TIAM1: variants seen among roughly 807,000 people sequenced by gnomAD.
TIAM1 encodes the protein TIAM Rac1 associated GEF 1.
A neutral mutation model predicts 163.5 loss-of-function variants in TIAM1; 65 were observed. That is an observed-to-expected ratio of 0.40 (90% CI 0.33 to 0.49). The LOEUF (loss-of-function observed/expected upper bound fraction) is 0.49, where lower values mean the gene tolerates loss of function less well. Ranked by LOEUF, TIAM1 falls within the 20% of genes least tolerant of loss-of-function variation. TIAM1 has a pLI of 0.77. For missense variants in TIAM1, 1,789 were observed against 2,044.7 expected (o/e 0.87, Z 2.41); for synonymous variants, 833 against 810.1 (o/e 1.03, Z -0.48).
At chr21:31,228,244 A>AGGATTTTTCCTTT (rs1569068929) in intron 6 of TIAM1, among the ~76,000 whole-genome samples, 1 of 51,902 alleles carries the variant, frequency 1.9e-5, no homozygotes, top group East Asian at 1.0e-3. Context: ...AAAAAAAAAA[A>AGGATTTTTCCTTT]AAAAAAAAAA....
rs181686840 is a variant in TIAM1, at chr21:31,145,574, T to C, written c.3475+1321A>G. Among the ~76,000 whole-genome samples, 634 of 152,304 alleles carry C rather than the reference T, an allele frequency of 4.2e-3. 3 individuals are homozygous for C. Among genetic ancestry groups the C allele is most frequent in the Non-Finnish European group, 7.2e-3 (493 of 68,024 alleles). ...GGCGACATAACCACTTTCTGGAGAC[T>C]CTCAGAATGTTCCACCGTCTTCTCA... On this transcript the variant is annotated intron_variant, in intron 20 of 27. Coordinates refer to ENST00000541036, the MANE Select transcript of TIAM1 (RefSeq NM_001353694.2).
chr21:31,162,080 G>C (rs1332477986), intron 16 of TIAM1, among the ~76,000 whole-genome samples: 2 of 152,108 alleles, frequency 1.3e-5, no homozygotes, highest in Admixed American at 6.5e-5. Flanking sequence ...TAACAATCTG[G>C]ACACAAGGTA....
intron 2 of TIAM1, among the ~76,000 whole-genome samples, chr21:31,372,683 A>C (rs1171983319): frequency 1.3e-5 from 2 of 152,228 alleles, no homozygotes; most frequent in Admixed American, 6.5e-5. Flanking sequence ...TAAAAGATAC[A>C]AAACTGGCTG....
intron 1 of TIAM1, among the ~76,000 whole-genome samples, chr21:31,496,173 G>A (rs1304902284): frequency 1.3e-5 from 2 of 151,808 alleles, no homozygotes; most frequent in East Asian, 1.9e-4. Flanking sequence ...GTAGAAAAAA[G>A]TGTACAGAAA....
At chr21:31,425,930 G>A (rs185376772) in intron 2 of TIAM1, among the ~76,000 whole-genome samples, 42 of 152,064 alleles carry the variant, frequency 2.8e-4, no homozygotes, top group Admixed American at 2.2e-3. Flanking sequence ...ATGAGGTCTC[G>A]TCATGTTGGC....
intron 15 of TIAM1, 110 bp from the exon 16 acceptor site, chr21:31,165,175 G>A (rs1180364976): frequency 1.6e-5 from 14 of 866,520 alleles, no homozygotes. Context: ...TACATATACT[G>A]TAAGACCCTC....
At chr21:31,375,919 C>T (rs1473871214) in intron 2 of TIAM1, among the ~76,000 whole-genome samples, 1 of 151,324 alleles carries the variant, frequency 6.6e-6, no homozygotes, top group Admixed American at 6.6e-5. Flanking sequence ...CCCAGCTACT[C>T]GGGAGGCTGA....
At chr21:31,376,635 G>C (rs1051269126) in intron 2 of TIAM1, among the ~76,000 whole-genome samples, 1 of 152,066 alleles carries the variant, frequency 6.6e-6, no homozygotes, top group African/African-American at 2.4e-5. Context: ...GGGTGATGGA[G>C]GGATGGCTAA....
intron 2 of TIAM1, among the ~76,000 whole-genome samples, chr21:31,396,805 G>C (rs577218541): frequency 4.5e-4 from 69 of 151,730 alleles, no homozygotes; most frequent in Non-Finnish European, 8.1e-4. Flanking sequence ...ACAAAAATTA[G>C]CCGGGCCTGG....
At chr21:31,555,385 T>C (rs1228820932) in intron 1 of TIAM1, among the ~76,000 whole-genome samples, 3 of 152,098 alleles carry the variant, frequency 2.0e-5, no homozygotes, top group Non-Finnish European at 2.9e-5. Flanking sequence ...TTGCTTAATT[T>C]AGAAAGAAAA....
intron 1 of TIAM1, among the ~76,000 whole-genome samples, chr21:31,522,123 G>A (rs879803783): frequency 1.1e-3 from 164 of 151,746 alleles, no homozygotes; most frequent in Non-Finnish European, 1.9e-3. Flanking sequence ...CGCCCGCCTC[G>A]GCCTCCCAAA....
At chr21:31,456,960 T>C (rs1257693651) in intron 2 of TIAM1, among the ~76,000 whole-genome samples, 1 of 152,188 alleles carries the variant, frequency 6.6e-6, no homozygotes, top group Non-Finnish European at 1.5e-5. Flanking sequence ...TTGCACTTGG[T>C]TGATTTGATT....
chr21:31,277,868 G>A (rs1025566381), intron 2 of TIAM1, among the ~76,000 whole-genome samples: 3 of 152,118 alleles, frequency 2.0e-5, no homozygotes, highest in African/African-American at 7.2e-5. Context: ...CAAATCAAAT[G>A]ATGCAACATT....
chr21:31,216,720 C>A (rs1487530586), intron 9 of TIAM1, among the ~76,000 whole-genome samples: 1 of 152,124 alleles, frequency 6.6e-6, no homozygotes, highest in Non-Finnish European at 1.5e-5. Context: ...CACGACATAC[C>A]GAGATCCCGT....
At chr21:31,138,798 T>C (rs1408892838) in intron 22 of TIAM1, among the ~76,000 whole-genome samples, 2 of 152,218 alleles carry the variant, frequency 1.3e-5, no homozygotes, top group African/African-American at 2.4e-5. Flanking sequence ...TAAAACCAAC[T>C]GCCTTGGAGT....
intron 20 of TIAM1, among the ~76,000 whole-genome samples, chr21:31,145,627 A>G (rs2083072903): frequency 6.6e-6 from 1 of 152,228 alleles, no homozygotes; most frequent in Non-Finnish European, 1.5e-5. Flanking sequence ...CAGCTTGCCC[A>G]TATAAAAATT....
At chr21:31,468,610 C>T (rs2045619875) in intron 1 of TIAM1, among the ~76,000 whole-genome samples, 1 of 151,226 alleles carries the variant, frequency 6.6e-6, no homozygotes, top group African/African-American at 2.4e-5. Context: ...CCCGTCTCTA[C>T]TAAAAATACA....
At chr21:31,502,887 G>A (rs1421051074) in intron 1 of TIAM1, among the ~76,000 whole-genome samples, 1 of 152,166 alleles carries the variant, frequency 6.6e-6, no homozygotes, top group Admixed American at 6.5e-5. Context: ...AGTCAAGCAA[G>A]GCACCCTCAC....
rs1056730244 is a variant in TIAM1, at chr21:31,124,691, G to A, written c.4137C>T (p.Ser1379=). 6.4e-7 allele frequency: 1 copy of A among 1,566,938 alleles called. No homozygotes were observed. Among genetic ancestry groups the A allele is most frequent in the Non-Finnish European group, 8.6e-7 (1 of 1,156,140 alleles). Residue 1379 remains serine, a synonymous_variant, in exon 27 of 28, where the codon TCC becomes TCT. Coordinates refer to ENST00000541036, the MANE Select transcript of TIAM1 (RefSeq NM_001353694.2). The part of the protein sequence containing the change: ...PERVFHLCCS[S]PESRKDFLKA... ...TTAGGAAATCCTTTCGGCTCTCTGG[G>A]GAGCTAGGAAAAGAAGATTTACAGA...
Sources: gnomAD v4.1 joint callset for allele counts (sites outside exome capture counted in the v4.1 genomes callset) on GRCh38, gnomAD v4.1.1 for gene constraint, MANE v1.5 for transcripts, NCBI Gene and HGNC (gene_info 2026-07-23, HGNC 2026-07-21) for gene names.